Variants in CHD9 observed in about 807,000 individuals in gnomAD.
The protein encoded by CHD9 is chromodomain helicase DNA binding protein 9, also known as ATP-dependent chromatin remodeler CHD9.
Under a neutral mutation model 316.1 loss-of-function variants are expected in CHD9, and 77 were observed. That is an observed-to-expected ratio of 0.24 (90% confidence interval 0.20 to 0.29). CHD9 has a LOEUF of 0.29. CHD9 is among the 10% of genes least tolerant of loss of function. The pLI, the probability that CHD9 is intolerant of heterozygous loss-of-function variation, is 1.00. For synonymous variants in CHD9, 1,129 were observed against 1,158.3 expected, an observed-to-expected ratio of 0.97 and a Z score of 0.51; for missense variants, 2,763 against 3,438.1, an observed-to-expected ratio of 0.80 and a Z score of 4.91.
intron 22 of CHD9, among the ~76,000 whole-genome samples, chr16:53,272,019 CAT>C (rs2052319036): frequency 1.3e-5 from 2 of 151,936 alleles, no homozygotes; most frequent in South Asian, 4.1e-4. Flanking sequence ...AATATATAAA[CAT>C]ATGTATGCAG....
intron 2 of CHD9, among the ~76,000 whole-genome samples, chr16:53,195,976 T>C (rs560722656): frequency 1.3e-5 from 2 of 152,228 alleles, no homozygotes; most frequent in African/African-American, 2.4e-5. Context: ...CAGACTGGTC[T>C]TGAATGCTTG....
chr16:53,122,330 A>G (rs1409168680), intron 1 of CHD9, among the ~76,000 whole-genome samples: 1 of 152,232 alleles, frequency 6.6e-6, no homozygotes, highest in Non-Finnish European at 1.5e-5. Flanking sequence ...AGTAAATTAT[A>G]ACAAAGTCAC....
intron 19 of CHD9, among the ~76,000 whole-genome samples, chr16:53,256,147 G>A (rs1367728592): frequency 6.6e-6 from 1 of 152,072 alleles, no homozygotes; most frequent in African/African-American, 2.4e-5. Context: ...AAAGGAGAGA[G>A]AAAATTTCCT....
intron 2 of CHD9, among the ~76,000 whole-genome samples, chr16:53,163,457 G>A (rs569068733): frequency 9.9e-5 from 15 of 152,254 alleles, no homozygotes; most frequent in African/African-American, 3.4e-4. Context: ...TGATCTGCCT[G>A]CCTCGGCCTC....
In CHD9 at chr16:53,325,786, A is replaced by G. The variant is rs1316393526; in HGVS notation, c.*891A>G. ...AGAAAAGGCAAACTCATGAAATGCC[A>G]CTGAAAAGAACTTTCAACACAGCAT... is the stretch of plus-strand genomic sequence containing the variant. On this transcript the variant is annotated 3_prime_UTR_variant, in exon 39 of 39. Transcript: ENST00000447540. 2 of 152,288 alleles carry G rather than the reference A, an allele frequency of 1.3e-5. No individual in the cohort carries two copies. The highest frequency in any genetic ancestry group is 4.8e-5 in the African/African-American group (2 of 41,444). The allele number at this position is 152,288 out of a possible 1,614,324, so 9.4% of individuals were successfully genotyped here.
chr16:53,269,252 A>G (rs1203547048), intron 22 of CHD9, among the ~76,000 whole-genome samples: 1 of 152,098 alleles, frequency 6.6e-6, no homozygotes, highest in East Asian at 1.9e-4. Context: ...TATAGCATAA[A>G]ATAATTGAAT....
chr16:53,157,033 G>A lies in CHD9; in HGVS notation c.944G>A (p.Arg315Lys). Residue 315 changes from arginine to lysine, a missense_variant, in exon 2 of 39, where the codon AGA becomes AAA. Coordinates refer to ENST00000447540, the MANE Select transcript of CHD9 (RefSeq NM_001308319.2). ...GGAAGTAATTCCTTTTCACCTCATA[G>A]AGGAATCAAGCAAGAATCTACTCAG... ...FTGSNSFSPH[R>K]GIKQESTQHI... 1 of 1,612,842 alleles carries A rather than the reference G, an allele frequency of 6.2e-7. No homozygotes were observed. The highest frequency in any genetic ancestry group is 8.5e-7 in the Non-Finnish European group (1 of 1,179,668).
intron 1 of CHD9, among the ~76,000 whole-genome samples, chr16:53,119,237 G>A (rs1032400968): frequency 1.3e-5 from 2 of 152,108 alleles, no homozygotes; most frequent in African/African-American, 2.4e-5. Context: ...CATTAATTAT[G>A]TGCAGTTTTC....
intron 1 of CHD9, among the ~76,000 whole-genome samples, chr16:53,107,451 C>T (rs1328454619): frequency 7.9e-6 from 1 of 126,230 alleles, no homozygotes; most frequent in African/African-American, 3.4e-5. Flanking sequence ...CAGAGTGACA[C>T]TCCATCTCAA....
chr16:53,072,311 G>C (rs9652625), intron 1 of CHD9, among the ~76,000 whole-genome samples: 121,360 of 149,106 alleles, frequency 0.81, 50,283 homozygotes, highest in African/African-American at 0.96. Flanking sequence ...TGGAAGGAAA[G>C]CCATAAGTCT....
rs149342896 is a variant in CHD9 at position 53,231,329 on chromosome 16, A to G, written c.2287-90A>G. 3.8e-3 allele frequency: 2,411 copies of G among 628,620 alleles called. 4 individuals carry two copies. Among genetic ancestry groups the G allele is most frequent in the Non-Finnish European group, 5.3e-3 (1,915 of 358,810 alleles). The allele number at this position is 628,620 out of a possible 1,614,324, so 38.9% of individuals were successfully genotyped here. On this transcript the variant is annotated intron_variant, in intron 8 of 38. Transcript: ENST00000447540. ...ACATTTAACTGAAATCAAACTTACAAGGTCTATAGTGAAATGCTAGTAAAT... is the reference window on the plus strand; with the variant it reads ...ACATTTAACTGAAATCAAACTTACAGGGTCTATAGTGAAATGCTAGTAAAT...
chr16:53,252,735 A>G (rs2050233010), intron 17 of CHD9, among the ~76,000 whole-genome samples: 1 of 152,086 alleles, frequency 6.6e-6, no homozygotes, highest in African/African-American at 2.4e-5. Flanking sequence ...AAAGTGGGCT[A>G]AGGACATGAA....
chr16:53,198,414 C>T (rs2045137473), intron 2 of CHD9, among the ~76,000 whole-genome samples: 1 of 151,370 alleles, frequency 6.6e-6, no homozygotes, highest in Non-Finnish European at 1.5e-5. Flanking sequence ...GCAACCTCCG[C>T]CTCCCGGGTT....
chr16:53,177,110 C>T (rs964719238), intron 2 of CHD9, among the ~76,000 whole-genome samples: 14 of 152,164 alleles, frequency 9.2e-5, no homozygotes, highest in African/African-American at 3.4e-4. Flanking sequence ...CACATGCCAC[C>T]ATGCCTGGCT....
chr16:53,304,518 G>A lies in CHD9; in HGVS notation c.6512G>A (p.Cys2171Tyr), dbSNP rs753609566. The A allele has an allele frequency of 2.5e-5, 39 of 1,549,918 alleles. No homozygotes were observed. Among genetic ancestry groups the A allele is most frequent in the Middle Eastern group, 1.7e-4 (1 of 6,014 alleles). The change falls in exon 31 of 39, where the codon TGT (cysteine) becomes TAT (tyrosine). Residue 2171 changes from cysteine (C) to tyrosine (Y), a missense_variant. Physicochemically the swap from Cys to Tyr is radical, Grantham distance 194. This residue lies in a region of CHD9 where 663 missense variants were observed against 751.2 expected (regional missense o/e 0.88). Coordinates refer to ENST00000447540, the MANE Select transcript of CHD9 (RefSeq NM_001308319.2). The part of the protein sequence containing the change: ...SGSSSSSSSS[C>Y]SSASSSSSSS... ...TCTAGTTCTTCTTCATCTTCATCTT[G>A]TTCTTCAGCATCTTCTTCATCCTCT... is the stretch of plus-strand genomic sequence containing the variant.
At chr16:53,323,685 G>A (rs1418617787) in intron 38 of CHD9, among the ~76,000 whole-genome samples, 1 of 152,132 alleles carries the variant, frequency 6.6e-6, no homozygotes, top group Non-Finnish European at 1.5e-5. Context: ...AAGTGATGGT[G>A]TGAAACATGT....
In CHD9 at chr16:53,327,344, T is replaced by C. The variant is rs970789891; in HGVS notation, c.*2449T>C. 6.6e-6 allele frequency: 1 copy of C among 152,538 alleles called. No homozygotes were observed. The highest frequency in any genetic ancestry group is 1.5e-5 in the Non-Finnish European group (1 of 67,970). 9.4% of individuals were successfully genotyped at this position (152,538 alleles called of 1,614,324 possible). On this transcript the variant is annotated 3_prime_UTR_variant, in exon 39 of 39. Transcript: ENST00000447540. ...TCTTTCTTTTGGACATTTGCAATAT[T>C]TACCAGTTGTGTTTTGTGTAGTCTG...
intron 19 of CHD9, among the ~76,000 whole-genome samples, chr16:53,261,793 C>A (rs1004733850): frequency 5.3e-5 from 8 of 152,198 alleles, no homozygotes; most frequent in African/African-American, 1.9e-4. Context: ...GAAGCAAATC[C>A]CAGATATAAT....
chr16:53,131,311 AGCCGCC>A lies in CHD9; in HGVS notation c.-164-24597_-164-24592del, dbSNP rs541900602. The stretch of plus-strand genomic sequence containing the variant: ...TCAGCGAGCGGCGGTGAGTACGTGC[AGCCGCC>A]GCCGCCGCCGCCGCCGCTGCTCGGC... On this transcript the variant is annotated intron_variant, in intron 1 of 38. Coordinates refer to ENST00000447540, the MANE Select transcript of CHD9 (RefSeq NM_001308319.2). 287 of 124,416 alleles carry A rather than the reference AGCCGCC, an allele frequency of 2.3e-3. 2 individuals carry two copies. The highest frequency in any genetic ancestry group is 4.3e-3 in the Admixed American group (47 of 10,812). The allele number at this position is 124,416 out of a possible 1,614,324, so 7.7% of individuals were successfully genotyped here. A position where few individuals can be genotyped will look rare whatever the true frequency, so the allele number is the denominator to read the frequency against.
Sources: allele counts gnomAD v4.1 joint callset (sites outside exome capture counted in the v4.1 genomes callset), GRCh38; gene constraint gnomAD v4.1.1; regional missense constraint gnomAD v4.1.1; transcripts MANE v1.5; gene names NCBI Gene and HGNC (gene_info 2026-07-23, HGNC 2026-07-21).